Variants in MSRA observed in about 807,000 individuals in gnomAD.
MSRA encodes mitochondrial peptide methionine sulfoxide reductase.
A neutral mutation model predicts 31.3 loss-of-function variants in MSRA; 54 were observed. That is an observed-to-expected ratio of 1.73 (90% CI 1.39 to 2.17). The LOEUF (loss-of-function observed/expected upper bound fraction) is 2.17. MSRA is among the 30% of genes most tolerant of loss of function. The pLI is 0.00. For synonymous variants in MSRA, 169 were observed against 116.5 expected (o/e 1.45, Z -2.90); for missense variants, 507 against 300.9 (o/e 1.69, Z -5.07).
intron 2 of MSRA, among the ~76,000 whole-genome samples, chr8:10,220,993 C>G (rs1810444258): frequency 6.6e-6 from 1 of 152,194 alleles, no homozygotes; most frequent in Non-Finnish European, 1.5e-5. Flanking sequence ...GGCTGAATAA[C>G]TTGTGCCTGG....
intron 3 of MSRA, among the ~76,000 whole-genome samples, chr8:10,298,574 A>T (rs141072564): frequency 5.9e-5 from 9 of 152,224 alleles, no homozygotes; most frequent in African/African-American, 2.2e-4. Flanking sequence ...AACATTGTGA[A>T]TGTACTTAAT....
At chr8:10,144,557 T>G (rs1219926802) in intron 1 of MSRA, among the ~76,000 whole-genome samples, 2 of 152,190 alleles carry the variant, frequency 1.3e-5, no homozygotes, top group African/African-American at 4.8e-5. Context: ...CAAGATCAGA[T>G]TATCCAAATA....
chr8:10,349,402 C>A (rs947355080), intron 5 of MSRA, among the ~76,000 whole-genome samples: 5 of 144,696 alleles, frequency 3.5e-5, no homozygotes, highest in African/African-American at 7.7e-5. Flanking sequence ...TTGCCTTTGC[C>A]TAGAATATCT....
At position 10,255,841 on chromosome 8, in the gene MSRA, CTG is replaced by C. The variant is rs560912487; in HGVS notation, c.331+10620_331+10621del. Among the ~76,000 whole-genome samples, 40 of 151,754 alleles carry C rather than the reference CTG, an allele frequency of 2.6e-4. 1 individual carries two copies. The South Asian group carries it at 5.4e-3, about 21-fold the overall frequency. On this transcript the variant is annotated intron_variant, in intron 3 of 5. Coordinates refer to ENST00000317173, the MANE Select transcript of MSRA (RefSeq NM_012331.5). ...AGTTTTAATTTTTTCATCTAATAAACTGTTTTTTGTTTAAAGAGCAGTTTTAG... is the reference window on the plus strand; with the variant it reads ...AGTTTTAATTTTTTCATCTAATAAACTTTTTTGTTTAAAGAGCAGTTTTAG...
intron 1 of MSRA, among the ~76,000 whole-genome samples, chr8:10,075,541 A>G (rs922116736): frequency 6.6e-6 from 1 of 152,222 alleles, no homozygotes; most frequent in Non-Finnish European, 1.5e-5. Context: ...TTCTACAAAT[A>G]TGTAAAAATA....
rs757372379 is a variant in MSRA, at chr8:10,054,627, G to A, written c.111G>A (p.Leu37=). The A allele has an allele frequency of 7.6e-6, 12 of 1,576,546 alleles. No homozygotes were observed. The highest frequency in any genetic ancestry group is 1.0e-5 in the Non-Finnish European group (12 of 1,162,084). The stretch of plus-strand genomic sequence containing the variant: ...ACATCGTCAGCCCCCAGGAGGCCTT[G>A]CCGGGCCGGAAGGAACAGACCCCTG... The part of the protein sequence containing the change: ...ASNIVSPQEA[L]PGRKEQTPVA... The change falls in exon 1 of 6, where the codon TTG becomes TTA. Residue 37 remains leucine (L), a synonymous_variant. Transcript: ENST00000317173.
intron 5 of MSRA, among the ~76,000 whole-genome samples, chr8:10,402,373 A>G (rs1585692857): frequency 6.6e-6 from 1 of 152,272 alleles, no homozygotes; most frequent in East Asian, 1.9e-4. Context: ...TGAACGCCAA[A>G]TGTGGTTCTT....
intron 1 of MSRA, among the ~76,000 whole-genome samples, chr8:10,077,026 G>C (rs931582471): frequency 7.2e-6 from 1 of 137,952 alleles, no homozygotes; most frequent in African/African-American, 2.7e-5. Context: ...TGCACATCCT[G>C]CACATGTACC....
chr8:10,200,803 C>T (rs1237436309), intron 1 of MSRA, among the ~76,000 whole-genome samples: 1 of 152,180 alleles, frequency 6.6e-6, no homozygotes, highest in Non-Finnish European at 1.5e-5. Context: ...CTCAGTGCCC[C>T]TGGGCATGTA....
chr8:10,078,404 G>A (rs73189202), intron 1 of MSRA, among the ~76,000 whole-genome samples: 4,468 of 152,316 alleles, frequency 0.029, 124 homozygotes, highest in Non-Finnish European at 0.05. Flanking sequence ...GGTGGGTCCT[G>A]TAGGCTCACT....
chr8:10,342,756 C>G (rs1192767636), intron 5 of MSRA, among the ~76,000 whole-genome samples: 1 of 152,196 alleles, frequency 6.6e-6, no homozygotes, highest in African/African-American at 2.4e-5. Flanking sequence ...GGGTGCCAAG[C>G]TCAGTTAATA....
chr8:10,125,285 A>G (rs1801417069), intron 1 of MSRA, among the ~76,000 whole-genome samples: 1 of 152,202 alleles, frequency 6.6e-6, no homozygotes, highest in Non-Finnish European at 1.5e-5. Context: ...GGACATCCAT[A>G]TGACTAAGGC....
chr8:10,405,019 G>A (rs374063501), intron 5 of MSRA, among the ~76,000 whole-genome samples: 1 of 152,212 alleles, frequency 6.6e-6, no homozygotes. Flanking sequence ...GGGCCACCCT[G>A]TGCTCCCTCT....
intron 1 of MSRA, among the ~76,000 whole-genome samples, chr8:10,105,322 C>G (rs535347811): frequency 6.6e-6 from 1 of 152,230 alleles, no homozygotes; most frequent in South Asian, 2.1e-4. Flanking sequence ...ACAATCCATG[C>G]TTTCCGATGA....
At chr8:10,085,778 G>A (rs1388401315) in intron 1 of MSRA, among the ~76,000 whole-genome samples, 3 of 152,122 alleles carry the variant, frequency 2.0e-5, no homozygotes, top group Non-Finnish European at 4.4e-5. Context: ...GCTAACAATT[G>A]ATCTGCTTTC....
chr8:10,162,023 C>T lies in MSRA; in HGVS notation c.143-45810C>T, dbSNP rs556446622. Among the ~76,000 whole-genome samples the T allele has an allele frequency of 1.7e-4, 26 of 152,320 alleles. No homozygotes were observed. In the South Asian group the frequency reaches 4.1e-3, roughly 24 times the overall value. Reference sequence around the variant, plus strand: ...CAGGTGCCCACAGGACGCCGCCCCTCGCTTCCCTCATGTCCTAGATTCTGT... The same window carrying T: ...CAGGTGCCCACAGGACGCCGCCCCTTGCTTCCCTCATGTCCTAGATTCTGT... On this transcript the variant is annotated intron_variant, in intron 1 of 5. Coordinates refer to ENST00000317173, the MANE Select transcript of MSRA (RefSeq NM_012331.5).
chr8:10,252,170 G>T (rs969420890), intron 3 of MSRA, among the ~76,000 whole-genome samples: 1 of 152,232 alleles, frequency 6.6e-6, no homozygotes, highest in Non-Finnish European at 1.5e-5. Context: ...AGGGAACTGA[G>T]GCTGAGAGAG....
intron 1 of MSRA, among the ~76,000 whole-genome samples, chr8:10,176,253 G>C (rs1806039918): frequency 6.6e-6 from 1 of 152,226 alleles, no homozygotes; most frequent in South Asian, 2.1e-4. Context: ...CTGTGGAAAA[G>C]TCCTCAAATC....
intron 1 of MSRA, among the ~76,000 whole-genome samples, chr8:10,113,979 C>G (rs535190288): frequency 4.6e-5 from 7 of 152,298 alleles, no homozygotes; most frequent in African/African-American, 1.4e-4. Flanking sequence ...CCTCTTCCCC[C>G]TGTCCTTGGC....
Sources: gnomAD v4.1 joint callset for allele counts (sites outside exome capture counted in the v4.1 genomes callset) on GRCh38, gnomAD v4.1.1 for gene constraint, MANE v1.5 for transcripts, NCBI Gene and HGNC (gene_info 2026-07-23, HGNC 2026-07-21) for gene names.